DOCK3: variants seen among roughly 807,000 people sequenced by gnomAD.
DOCK3 encodes the protein dedicator of cytokinesis protein 3.
A neutral mutation model predicts 265.6 loss-of-function variants in DOCK3; 60 were observed. That is an observed-to-expected ratio of 0.23 (90% CI 0.18 to 0.28). The LOEUF (loss-of-function observed/expected upper bound fraction) is 0.28, where lower values mean the gene tolerates loss of function less well. Among genes scored for constraint, DOCK3 ranks in the 10% least tolerant of loss-of-function variants. The pLI is 1.00. For missense variants in DOCK3, 1,981 were observed against 2,594.3 expected, an observed-to-expected ratio of 0.76 and a Z score of 5.14; for synonymous variants, 881 against 938.0, an observed-to-expected ratio of 0.94 and a Z score of 1.11.
chr3:50,915,187 A>G (rs943001912), intron 4 of DOCK3, among the ~76,000 whole-genome samples: 6 of 152,018 alleles, frequency 3.9e-5, no homozygotes, highest in Non-Finnish European at 7.4e-5. Flanking sequence ...GTTTGGGCCT[A>G]GGAGCAGGAT....
chr3:51,020,578 T>C (rs1575793757), intron 5 of DOCK3, among the ~76,000 whole-genome samples: 1 of 152,000 alleles, frequency 6.6e-6, no homozygotes, highest in Non-Finnish European at 1.5e-5. Flanking sequence ...GCCTAGGTTG[T>C]CTTCCAGGGT....
chr3:51,012,806 T>C (rs1306399935), intron 5 of DOCK3, among the ~76,000 whole-genome samples: 1 of 152,194 alleles, frequency 6.6e-6, no homozygotes, highest in Non-Finnish European at 1.5e-5. Flanking sequence ...ATTTGGTCTT[T>C]TCACATAGTC....
intron 14 of DOCK3, among the ~76,000 whole-genome samples, chr3:51,221,127 C>T (rs919541381): frequency 1.3e-5 from 2 of 152,072 alleles, no homozygotes; most frequent in Admixed American, 6.6e-5. Flanking sequence ...CTATCTATCC[C>T]GTTAAGATTT....
At chr3:51,075,479 C>G in intron 7 of DOCK3, 39 bp downstream of exon 7, 1 of 1,457,302 alleles carries the variant, frequency 6.9e-7, no homozygotes, top group Non-Finnish European at 9.3e-7. Flanking sequence ...TCCTGCATAC[C>G]TCATTTTTTC....
intron 5 of DOCK3, among the ~76,000 whole-genome samples, chr3:51,033,369 A>G (rs1045569597): frequency 3.3e-5 from 5 of 152,218 alleles, no homozygotes; most frequent in African/African-American, 7.2e-5. Context: ...AACTATTGCT[A>G]TGACCTTTAG....
chr3:51,281,443 CT>C (rs984625131), intron 27 of DOCK3, among the ~76,000 whole-genome samples: 1 of 151,898 alleles, frequency 6.6e-6, no homozygotes, highest in Non-Finnish European at 1.5e-5. Context: ...TTAATTGCCT[CT>C]TTTTTTATTT....
chr3:50,787,624 C>T lies in DOCK3; in HGVS notation c.121+8866C>T, dbSNP rs182577699. 1.2e-4 allele frequency: 156 copies of T among 1,273,152 alleles called. 1 individual carries two copies. In the Middle Eastern group the frequency reaches 1.0e-2, roughly 82 times the overall value. 78.9% of individuals were successfully genotyped at this position (1,273,152 alleles called of 1,614,324 possible). On this transcript the variant is annotated intron_variant, in intron 2 of 52. Coordinates refer to ENST00000266037, the MANE Select transcript of DOCK3 (RefSeq NM_004947.5). ...AGGCTCCTTTGTTTCCCGCTTCTTA[C>T]GCTTAGGTGGCTCTGCACTCTTCCT...
intron 12 of DOCK3, among the ~76,000 whole-genome samples, chr3:51,194,793 G>T (rs1373391157): frequency 3.5e-5 from 5 of 141,308 alleles, no homozygotes; most frequent in African/African-American, 1.3e-4. Flanking sequence ...TTTTCAGTCT[G>T]TATGTGTCTT....
chr3:51,022,042 T>C (rs1271064378), intron 5 of DOCK3, among the ~76,000 whole-genome samples: 3 of 152,212 alleles, frequency 2.0e-5, no homozygotes, highest in Non-Finnish European at 4.4e-5. Flanking sequence ...CTCAGAAATG[T>C]TTTAGTTTTC....
chr3:51,180,343 A>G (rs1229001328), intron 12 of DOCK3, among the ~76,000 whole-genome samples: 2 of 152,118 alleles, frequency 1.3e-5, no homozygotes, highest in Non-Finnish European at 1.5e-5. Flanking sequence ...TCTGTAGCAT[A>G]TCACAAATTT....
At chr3:51,326,059 TAA>T (rs3074621) in intron 32 of DOCK3, among the ~76,000 whole-genome samples, 19,457 of 146,044 alleles carry the variant, frequency 0.13, 2,247 homozygotes, top group East Asian at 0.34. Flanking sequence ...CCTAAAGTAT[TAA>T]AAAAAAAAAA....
chr3:51,250,293 A>G (rs1465659856), intron 22 of DOCK3, among the ~76,000 whole-genome samples: 4 of 145,994 alleles, frequency 2.7e-5, no homozygotes, highest in South Asian at 2.1e-4. Context: ...AAAATTAAAA[A>G]AAATAATAAA....
chr3:50,889,931 T>C, intron 3 of DOCK3, 95 bp from the exon 4 acceptor site: 1 of 993,410 alleles, frequency 1.0e-6, no homozygotes, highest in Non-Finnish European at 1.4e-6. Flanking sequence ...AGATCTACTA[T>C]GTTTCTGTGC....
rs568558853 is a variant in DOCK3 at position 50,734,265 on chromosome 3, T to G, written c.38-44410T>G. Among the ~76,000 whole-genome samples, 3 of 152,264 alleles carry G rather than the reference T, an allele frequency of 2.0e-5. No homozygotes were observed. In the South Asian group the frequency reaches 6.2e-4, roughly 32 times the overall value. On this transcript the variant is annotated intron_variant, in intron 1 of 52. Transcript: ENST00000266037. ...GACTCATGCCTGTAATCCCAATACTTTGGGAGGCTGAGGTTGGAGGATCAC... is the reference window on the plus strand; with the variant it reads ...GACTCATGCCTGTAATCCCAATACTGTGGGAGGCTGAGGTTGGAGGATCAC...
intron 3 of DOCK3, among the ~76,000 whole-genome samples, chr3:50,888,843 C>A (rs2048482477): frequency 6.6e-6 from 1 of 151,990 alleles, no homozygotes; most frequent in African/African-American, 2.4e-5. Context: ...TTTCTTACAC[C>A]TTATACAAAA....
rs111278991 is a variant in DOCK3, at chr3:51,230,636, G to C, written c.1917+1027G>C. Among the ~76,000 whole-genome samples the C allele has an allele frequency of 1.2e-3, 175 of 151,860 alleles. 1 individual carries two copies. Among genetic ancestry groups the C allele is most frequent in the Admixed American group, 3.9e-3 (60 of 15,250 alleles). On this transcript the variant is annotated intron_variant, in intron 19 of 52. Transcript: ENST00000266037. ...GGTTCAAGCGATTCTCCTGCCTCAG[G>C]CTCCAGAGTAGCTAGGACTACAGGC...
chr3:50,717,905 A>G (rs1347601142), intron 1 of DOCK3, among the ~76,000 whole-genome samples: 1 of 152,162 alleles, frequency 6.6e-6, no homozygotes, highest in Admixed American at 6.6e-5. Flanking sequence ...GATTACATGC[A>G]TGAGCCACTG....
rs572148804 is a variant in DOCK3 at position 51,347,013 on chromosome 3, A to G, written c.3916-1839A>G. Reference sequence around the variant, plus strand: ...TTGATTTTTTCTTGTAAATTTGTTTAACTTCTTTGTAGATTCTGGATATTA... The same window carrying G: ...TTGATTTTTTCTTGTAAATTTGTTTGACTTCTTTGTAGATTCTGGATATTA... On this transcript the variant is annotated intron_variant, in intron 38 of 52. Transcript: ENST00000266037. Among the ~76,000 whole-genome samples, 8 of 152,234 alleles carry G rather than the reference A, an allele frequency of 5.3e-5. No homozygotes were observed. In the South Asian group the frequency reaches 1.5e-3, roughly 28 times the overall value.
intron 5 of DOCK3, among the ~76,000 whole-genome samples, chr3:51,053,110 T>G (rs1404845898): frequency 1.1e-4 from 14 of 125,122 alleles, no homozygotes; most frequent in African/African-American, 4.1e-4. Flanking sequence ...TATATATATA[T>G]ATATATATAT....
Sources: allele counts gnomAD v4.1 joint callset (sites outside exome capture counted in the v4.1 genomes callset), GRCh38; gene constraint gnomAD v4.1.1; transcripts MANE v1.5; gene names NCBI Gene and HGNC (gene_info 2026-07-23, HGNC 2026-07-21).